The following VIL1 variants were observed in gnomAD, a reference collection of about 807,000 sequenced individuals.
VIL1 encodes the protein villin-1.
In VIL1, 86 loss-of-function variants were observed where a neutral mutation model predicts 104.0. That is an observed-to-expected ratio of 0.83 (90% CI 0.69 to 0.99). The LOEUF (loss-of-function observed/expected upper bound fraction) is 0.99. Ranked by LOEUF, VIL1 falls within the 50% of genes least tolerant of loss-of-function variation. The pLI, the probability that VIL1 is intolerant of heterozygous loss-of-function variation, is 0.00. For synonymous variants in VIL1, 394 were observed against 412.6 expected, an observed-to-expected ratio of 0.95 and a Z score of 0.55; for missense variants, 944 against 1,054.1, an observed-to-expected ratio of 0.90 and a Z score of 1.45.
rs990112859 is a variant in VIL1, at chr2:218,451,311, T to C, written c.*1975T>C. On this transcript the variant is annotated 3_prime_UTR_variant, in exon 20 of 20. Transcript: ENST00000248444. ...GATTTTTCTAAAAATCTCCTATATATACAAAATCCATATGTACTTGGAGAT... is the reference window on the plus strand; with the variant it reads ...GATTTTTCTAAAAATCTCCTATATACACAAAATCCATATGTACTTGGAGAT... The C allele has an allele frequency of 2.0e-5, 3 of 152,182 alleles. No homozygotes were observed. The highest frequency in any genetic ancestry group is 4.4e-5 in the Non-Finnish European group (3 of 68,032). 9.4% of individuals were successfully genotyped at this position (152,182 alleles called of 1,614,324 possible).
In VIL1 at chr2:218,421,910, T is replaced by C. The variant is rs1308985942; in HGVS notation, c.-11-1858T>C. 2.0e-5 allele frequency among the ~76,000 whole-genome samples: 3 copies of C among 152,220 alleles called. No homozygotes were observed. In the East Asian group the frequency reaches 5.8e-4, roughly 29 times the overall value. On this transcript the variant is annotated intron_variant, in intron 1 of 19. Coordinates refer to ENST00000248444, the MANE Select transcript of VIL1 (RefSeq NM_007127.3). ...CCCCTAAGTTGACCCCCTCAGCTCA[T>C]AGATGAAGAAGGGAAGTCTACGTTC...
Position 218,425,565 on chromosome 2 carries a change from G to A in VIL1, c.151-50G>A, listed in dbSNP as rs377159476. 1.6e-5 allele frequency: 26 copies of A among 1,590,346 alleles called. No homozygotes were observed. The Admixed American group carries it at 3.9e-4, about 24-fold the overall frequency. ...GTGTGGGAGGTCACACAGAGCTGGAGGGGCTGTGGGAGCCCAGGGTCTCGG... is the reference window on the plus strand; with the variant it reads ...GTGTGGGAGGTCACACAGAGCTGGAAGGGCTGTGGGAGCCCAGGGTCTCGG... On this transcript the variant is annotated intron_variant, in intron 3 of 19. Transcript: ENST00000248444.
chr2:218,430,044 G>GGCATAGTGCCA (rs1418750517), intron 9 of VIL1, 97 bp downstream of exon 9: 2 of 1,113,488 alleles, frequency 1.8e-6, no homozygotes, highest in East Asian at 4.9e-5. Flanking sequence ...GCTCAGACCA[G>GGCATAGTGCCA]GGCATAGTGC....
Position 218,437,121 on chromosome 2 carries a change from T to A in VIL1, c.1972-3T>A. On this transcript the variant is annotated splice_region_variant and splice_polypyrimidine_tract_variant and intron_variant, in intron 16 of 19. Coordinates refer to ENST00000248444, the MANE Select transcript of VIL1 (RefSeq NM_007127.3). ...TGGACTGATCCCCTGGGTTTCTCAATAGGTCTTCTTCTGGATTGGGAAACA... is the reference window on the plus strand; with the variant it reads ...TGGACTGATCCCCTGGGTTTCTCAAAAGGTCTTCTTCTGGATTGGGAAACA... 1 of 1,613,094 alleles carries A rather than the reference T, an allele frequency of 6.2e-7. No homozygotes were observed. Among genetic ancestry groups the A allele is most frequent in the Non-Finnish European group, 8.5e-7 (1 of 1,179,116 alleles).
Position 218,428,445 on chromosome 2 carries a change from G to C in VIL1, c.567+108G>C. 5.2e-6 allele frequency: 5 copies of C among 968,412 alleles called. 1 individual carries two copies. The South Asian group carries it at 7.0e-5, about 14-fold the overall frequency. The allele number at this position is 968,412 out of a possible 1,614,324, so 60.0% of individuals were successfully genotyped here. Reference sequence around the variant, plus strand: ...ACTGCTGGGGACAGCATGTTTGAAGGTGGCTCAGTCTCCATGTGTTTGGTG... The same window carrying C: ...ACTGCTGGGGACAGCATGTTTGAAGCTGGCTCAGTCTCCATGTGTTTGGTG... On this transcript the variant is annotated intron_variant, in intron 6 of 19. Coordinates refer to ENST00000248444, the MANE Select transcript of VIL1 (RefSeq NM_007127.3).
chr2:218,419,141 C>T lies in VIL1; in HGVS notation c.-39C>T, dbSNP rs1419494678. 6.6e-6 allele frequency: 1 copy of T among 152,262 alleles called. No homozygotes were observed. The highest frequency in any genetic ancestry group is 1.5e-5 in the Non-Finnish European group (1 of 68,096). The allele number at this position is 152,262 out of a possible 1,614,324, so 9.4% of individuals were successfully genotyped here. On this transcript the variant is annotated 5_prime_UTR_variant, in exon 1 of 20. Transcript: ENST00000248444. The stretch of plus-strand genomic sequence containing the variant: ...GCTTGCCACAATTCCCTGAGATCTC[C>T]CAGGTGGCAGCTGCCTCCCCAAGAC...
chr2:218,428,378 G>C (rs1689039774), intron 6 of VIL1, 41 bp downstream of exon 6: 1 of 1,564,004 alleles, frequency 6.4e-7, no homozygotes, highest in South Asian at 1.1e-5. Context: ...TCGAATCCTA[G>C]ACTGCCCCCA....
intron 17 of VIL1, among the ~76,000 whole-genome samples, chr2:218,437,743 G>A (rs733925): frequency 0.35 from 53,078 of 152,112 alleles, 9,662 homozygotes; most frequent in Non-Finnish European, 0.39. Flanking sequence ...GGTTCTAAAG[G>A]ACTGACAAAT....
chr2:218,441,014 G>C, intron 19 of VIL1, 152 bp downstream of exon 19: 8 of 913,418 alleles, frequency 8.8e-6, no homozygotes, highest in Non-Finnish European at 1.1e-5. Flanking sequence ...CAGGAGGAGA[G>C]AGATCAGAGA....
At chr2:218,431,094 A>G (rs1689088416) in intron 10 of VIL1, 1 of 652,978 alleles carries the variant, frequency 1.5e-6, no homozygotes, top group Non-Finnish European at 2.6e-6. Flanking sequence ...CATGCCTGTA[A>G]TCCCAGCACT....
At chr2:218,426,049 T>C (rs1688975966) in intron 4 of VIL1, among the ~76,000 whole-genome samples, 1 of 152,192 alleles carries the variant, frequency 6.6e-6, no homozygotes, top group Non-Finnish European at 1.5e-5. Flanking sequence ...TAACTCTTAT[T>C]TCTGCCACTG....
In VIL1 at chr2:218,449,388, A is replaced by C. The variant is rs1340718751; in HGVS notation, c.*52A>C. The C allele has an allele frequency of 2.1e-6, 3 of 1,427,936 alleles. No homozygotes were observed. Among genetic ancestry groups the C allele is most frequent in the Non-Finnish European group, 3.0e-6 (3 of 1,012,550 alleles). The allele number at this position is 1,427,936 out of a possible 1,614,324, so 88.5% of individuals were successfully genotyped here. The stretch of plus-strand genomic sequence containing the variant: ...TACCCTACCCTGATTGTAGGGTCTC[A>C]TTTTCTCACCGATATTAGTCCTACA... On this transcript the variant is annotated 3_prime_UTR_variant, in exon 20 of 20. Coordinates refer to ENST00000248444, the MANE Select transcript of VIL1 (RefSeq NM_007127.3).
chr2:218,441,699 T>G (rs917623940), intron 19 of VIL1, among the ~76,000 whole-genome samples: 1 of 151,492 alleles, frequency 6.6e-6, no homozygotes, highest in Non-Finnish European at 1.5e-5. Context: ...AGTGACAGAC[T>G]TACATTGGCC....
rs900026781 is a variant in VIL1 at position 218,440,853 on chromosome 2, C to T, written c.2361C>T (p.Ser787=). The change falls in exon 19 of 20, where the codon AGC becomes AGT. Residue 787 remains serine, a synonymous_variant. Transcript: ENST00000248444. ...VEELPEGVDP[S]RKEEHLSIED... ...AGCTCCCCGAGGGTGTGGACCCCAGCAGGAAGGAGGTAGGTCAGATTCTCA... is the reference window on the plus strand; with the variant it reads ...AGCTCCCCGAGGGTGTGGACCCCAGTAGGAAGGAGGTAGGTCAGATTCTCA... 1 of 1,614,002 alleles carries T rather than the reference C, an allele frequency of 6.2e-7. No homozygotes were observed. The highest frequency in any genetic ancestry group is 8.5e-7 in the Non-Finnish European group (1 of 1,179,962).
intron 3 of VIL1, 113 bp from the exon 4 acceptor site, chr2:218,425,501 GC>G: frequency 9.5e-7 from 1 of 1,052,688 alleles, no homozygotes; most frequent in Admixed American, 2.2e-5. Flanking sequence ...TAGTGCACTT[GC>G]CCTGTGCCAC....
rs998820783 is a variant in VIL1 at position 218,437,298 on chromosome 2, C to G, written c.2146C>G (p.Pro716Ala). 1 of 1,613,932 alleles carries G rather than the reference C, an allele frequency of 6.2e-7. No homozygotes were observed. The highest frequency in any genetic ancestry group is 8.5e-7 in the Non-Finnish European group (1 of 1,179,984). Reference sequence around the variant, plus strand: ...CACAGGCTGGTTCCTGGCTTGGGATCCCTTCAAGTGGAGTGTGAGTGGCCT... The same window carrying G: ...CACAGGCTGGTTCCTGGCTTGGGATGCCTTCAAGTGGAGTGTGAGTGGCCT... ...TFTGWFLAWD[P>A]FKWSNTKSYE... The change falls in exon 17 of 20, where the codon CCC becomes GCC. Residue 716 changes from proline (P) to alanine (A), a missense_variant. By Grantham distance (27) the Pro-to-Ala change is conservative. Transcript: ENST00000248444.
chr2:218,424,291 G>A lies in VIL1; in HGVS notation c.90G>A (p.Val30=), dbSNP rs780934754. 6 of 1,614,046 alleles carry A rather than the reference G, an allele frequency of 3.7e-6. No individual in the cohort carries two copies. The African/African-American group carries it at 5.3e-5, about 14-fold the overall frequency. The change falls in exon 3 of 20, where the codon GTG becomes GTA. Residue 30 remains valine, a synonymous_variant. Transcript: ENST00000248444. Reference sequence around the variant, plus strand: ...TCTCTCCTTAGGCCATGCAGATGGTGCCTGTTCCTTCCAGCACCTTTGGAA... The same window carrying A: ...TCTCTCCTTAGGCCATGCAGATGGTACCTGTTCCTTCCAGCACCTTTGGAA... ...QIWRIEAMQM[V]PVPSSTFGSF...
intron 19 of VIL1, among the ~76,000 whole-genome samples, chr2:218,446,154 T>G (rs1211698948): frequency 6.6e-6 from 1 of 152,094 alleles, no homozygotes; most frequent in African/African-American, 2.4e-5. Context: ...ACCCTCCCGC[T>G]CTAAGCAAAA....
At position 218,432,795 on chromosome 2, in the gene VIL1, C is replaced by T; in HGVS notation, c.1344C>T (p.Gly448=). 1.2e-6 allele frequency: 2 copies of T among 1,614,034 alleles called. No homozygotes were observed. Among genetic ancestry groups the T allele is most frequent in the Non-Finnish European group, 1.7e-6 (2 of 1,179,994 alleles). Residue 448 remains glycine, a splice_region_variant and synonymous_variant, in exon 13 of 20, where the codon GGC becomes GGT. Coordinates refer to ENST00000248444, the MANE Select transcript of VIL1 (RefSeq NM_007127.3). ...CACTCCCTCCTGCTCATCCCCAGGG[C>T]AGCCAGGCCAGCCAAGATGAAATTA... ...KQHYLLYVWQ[G]SQASQDEITA...
Sources: allele counts gnomAD v4.1 joint callset (sites outside exome capture counted in the v4.1 genomes callset), GRCh38; gene constraint gnomAD v4.1.1; transcripts MANE v1.5; gene names NCBI Gene and HGNC (gene_info 2026-07-23, HGNC 2026-07-21).